The following FNBP1 variants were observed in gnomAD, a reference collection of about 807,000 sequenced individuals.
FNBP1 encodes the protein formin-binding protein 1.
Under a neutral mutation model 90.6 loss-of-function variants are expected in FNBP1, and 26 were observed. The observed-to-expected ratio is 0.29, with a 90% CI of 0.21 to 0.40. The LOEUF (loss-of-function observed/expected upper bound fraction) is 0.40. FNBP1 is among the 10% of genes least tolerant of loss of function. The pLI, the probability that FNBP1 is intolerant of heterozygous loss-of-function variation, is 1.00. For missense variants in FNBP1, 635 were observed against 768.0 expected (o/e 0.83, Z 2.05); for synonymous variants, 260 against 265.2 (o/e 0.98, Z 0.19).
intron 16 of FNBP1, among the ~76,000 whole-genome samples, chr9:129,894,289 G>A (rs372674193): frequency 6.6e-6 from 1 of 152,006 alleles, no homozygotes; most frequent in Non-Finnish European, 1.5e-5. Flanking sequence ...AACCATCTAC[G>A]CATGTGACCA....
chr9:129,947,085 G>A (rs1196556987), intron 6 of FNBP1, among the ~76,000 whole-genome samples: 1 of 152,188 alleles, frequency 6.6e-6, no homozygotes, highest in Non-Finnish European at 1.5e-5. Flanking sequence ...TCACCAGAAT[G>A]CCATTCAAGA....
At chr9:129,920,932 T>C (rs1034370745) in intron 10 of FNBP1, among the ~76,000 whole-genome samples, 3 of 152,206 alleles carry the variant, frequency 2.0e-5, no homozygotes, top group African/African-American at 7.2e-5. Context: ...GGATTAACAA[T>C]GAGTGGAGTT....
At chr9:130,003,107 C>T (rs2055104934) in intron 1 of FNBP1, among the ~76,000 whole-genome samples, 2 of 137,236 alleles carry the variant, frequency 1.5e-5, no homozygotes, top group African/African-American at 5.4e-5. Flanking sequence ...TGGTTTGGGT[C>T]ATTATATCTT....
intron 1 of FNBP1, among the ~76,000 whole-genome samples, chr9:130,011,265 TATAA>T (rs372270729): frequency 0.24 from 19,258 of 79,570 alleles, 3,925 homozygotes; most frequent in East Asian, 0.33. Flanking sequence ...TATATATATA[TATAA>T]AATATATATA....
At chr9:129,922,136 A>G (rs75541760) in intron 10 of FNBP1, among the ~76,000 whole-genome samples, 1,940 of 152,198 alleles carry the variant, frequency 0.013, 18 homozygotes, top group Middle Eastern at 0.024. Flanking sequence ...CACTGGGCCC[A>G]GTCTAAAGAT....
chr9:130,022,830 C>T lies in FNBP1; in HGVS notation c.24+20122G>A, dbSNP rs955736951. Among the ~76,000 whole-genome samples, 11 of 152,100 alleles carry T rather than the reference C, an allele frequency of 7.2e-5. No individual in the cohort carries two copies. The East Asian group carries it at 9.6e-4, about 13-fold the overall frequency. ...CTAGGACTACAGGTGTGCGTTAGCA[C>T]GCCCAACTAATTTTTGTTTTTGTTT... On this transcript the variant is annotated intron_variant, in intron 1 of 16. Coordinates refer to ENST00000446176, the MANE Select transcript of FNBP1 (RefSeq NM_015033.3).
chr9:129,900,339 A>G lies in FNBP1; in HGVS notation c.1550+87T>C. ...CATTTTGGCATTGAACAAGTGCCTT[A>G]TGGTCATTCCAGATTCCAAAATTTA... On this transcript the variant is annotated intron_variant, in intron 14 of 16. Transcript: ENST00000446176. The surrounding 1 kb of genome is among the most constrained non-coding windows in gnomAD (Gnocchi z 4.1). The G allele has an allele frequency of 7.3e-7, 1 of 1,370,664 alleles. No homozygotes were observed. The highest frequency in any genetic ancestry group is 1.6e-5 in the South Asian group (1 of 61,900). The allele number at this position is 1,370,664 out of a possible 1,614,324, so 84.9% of individuals were successfully genotyped here. A position where few individuals can be genotyped will look rare whatever the true frequency, so the allele number is the denominator to read the frequency against.
At chr9:130,050,814 G>GTT in the FNBP1 span, among the ~76,000 whole-genome samples, 4 of 37,204 alleles carry the variant, frequency 1.1e-4, no homozygotes, top group African/African-American at 2.0e-4. Context: ...TAATTTTTGT[G>GTT]TTTTTTTTTT....
At chr9:129,984,824 C>A (rs2051897471) in intron 2 of FNBP1, among the ~76,000 whole-genome samples, 1 of 152,126 alleles carries the variant, frequency 6.6e-6, no homozygotes, top group African/African-American at 2.4e-5. Context: ...GATTTTGCTT[C>A]TTCCTCATTT....
chr9:129,909,124 G>A lies in FNBP1; in HGVS notation c.1186-125C>T, dbSNP rs1471670925. 5.2e-5 allele frequency: 38 copies of A among 735,344 alleles called. No homozygotes were observed. The East Asian group carries it at 9.1e-4, about 18-fold the overall frequency. The allele number at this position is 735,344 out of a possible 1,614,324, so 45.6% of individuals were successfully genotyped here. On this transcript the variant is annotated intron_variant, in intron 11 of 16. Transcript: ENST00000446176. ...CATGTGGCTTCATGAAATAGATTAA[G>A]CTCTTTCCCACTACACCCAGCCGAG...
intron 15 of FNBP1, among the ~76,000 whole-genome samples, 192 bp downstream of exon 15, chr9:129,899,773 A>G: frequency 7.6e-6 from 1 of 131,240 alleles, no homozygotes; most frequent in Admixed American, 7.7e-5. Flanking sequence ...GAAGGAAGGG[A>G]AGGGAGGGAA....
intron 11 of FNBP1, 81 bp from the exon 12 acceptor site, chr9:129,909,080 T>G (rs370939255): frequency 1.2e-6 from 1 of 839,506 alleles, no homozygotes. Flanking sequence ...CCTGCAGCCA[T>G]GGGGGGTGCA....
chr9:130,029,528 C>CAGT (rs2058626949), intron 1 of FNBP1, among the ~76,000 whole-genome samples: 1 of 152,078 alleles, frequency 6.6e-6, no homozygotes, highest in Admixed American at 6.6e-5. Context: ...TAATGTTTGT[C>CAGT]AGTAGCTGAC....
At chr9:129,926,229 C>G (rs1410964849) in intron 8 of FNBP1, among the ~76,000 whole-genome samples, 2 of 152,184 alleles carry the variant, frequency 1.3e-5, no homozygotes, top group Non-Finnish European at 2.9e-5. Flanking sequence ...GCTCCGGCCT[C>G]CCAAAGTGCT....
intron 4 of FNBP1, among the ~76,000 whole-genome samples, chr9:129,959,220 C>G (rs2047423378): frequency 6.6e-6 from 1 of 151,306 alleles, no homozygotes; most frequent in African/African-American, 2.4e-5. Flanking sequence ...TCACCTAAGC[C>G]TGGGAGGTTG....
intron 4 of FNBP1, among the ~76,000 whole-genome samples, chr9:129,962,309 C>T (rs994028763): frequency 3.3e-5 from 5 of 152,342 alleles, no homozygotes; most frequent in East Asian, 1.9e-4. Flanking sequence ...AAACTCTATC[C>T]GCCACGTTGT....
At chr9:129,938,251 T>C (rs1449516458) in intron 6 of FNBP1, among the ~76,000 whole-genome samples, 2 of 152,198 alleles carry the variant, frequency 1.3e-5, no homozygotes, top group Non-Finnish European at 2.9e-5. Context: ...ATGAAAAAGC[T>C]CTTTGTCCAG....
intron 11 of FNBP1, among the ~76,000 whole-genome samples, chr9:129,911,345 G>A (rs989546218): frequency 2.0e-5 from 3 of 152,202 alleles, no homozygotes; most frequent in Non-Finnish European, 2.9e-5. Flanking sequence ...AAGGAAGGCT[G>A]CACAGGGAGG....
At position 129,888,630 on chromosome 9, in the gene FNBP1, AGAG is replaced by A; in HGVS notation, c.*1906_*1908del. ...AGTCCCCCCCGGGGAAGAAGCAGTC[AGAG>A]AGGCTCACGCTCACCTACTTTAAAA... is the stretch of plus-strand genomic sequence containing the variant. On this transcript the variant is annotated 3_prime_UTR_variant, in exon 17 of 17. Coordinates refer to ENST00000446176, the MANE Select transcript of FNBP1 (RefSeq NM_015033.3). 4.3e-6 allele frequency: 1 copy of A among 233,074 alleles called. No homozygotes were observed. Among genetic ancestry groups the A allele is most frequent in the Non-Finnish European group, 8.5e-6 (1 of 117,928 alleles). The allele number at this position is 233,074 out of a possible 1,614,324, so 14.4% of individuals were successfully genotyped here.
Sources: gnomAD v4.1 joint callset for allele counts (sites outside exome capture counted in the v4.1 genomes callset) on GRCh38, gnomAD v4.1.1 for gene constraint, Gnocchi (gnomAD v3.1) non-coding constraint, MANE v1.5 for transcripts, NCBI Gene and HGNC (gene_info 2026-07-23, HGNC 2026-07-21) for gene names.